The following DAB1 variants were observed in gnomAD, a reference collection of about 807,000 sequenced individuals.
DAB1 encodes the protein DAB adaptor protein 1, also known as disabled homolog 1.
Under a neutral mutation model 64.6 loss-of-function variants are expected in DAB1, and 15 were observed. That is an observed-to-expected ratio of 0.23 (90% CI 0.16 to 0.36). The LOEUF (loss-of-function observed/expected upper bound fraction) is 0.36, where lower values mean the gene tolerates loss of function less well. Among genes scored for constraint, DAB1 ranks in the 10% least tolerant of loss-of-function variants. The pLI is 1.00. For missense variants in DAB1, 596 were observed against 706.7 expected (o/e 0.84, Z 1.78); for synonymous variants, 235 against 251.9 (o/e 0.93, Z 0.64).
chr1:57,888,418 G>T (rs922797968), upstream of DAB1, among the ~76,000 whole-genome samples: 1 of 152,002 alleles, frequency 6.6e-6, no homozygotes, highest in Admixed American at 6.5e-5. Context: ...ATTTCCCAGG[G>T]CACCTTCCAT....
At chr1:57,307,761 T>C (rs1674321982) in intron 1 of DAB1, among the ~76,000 whole-genome samples, 1 of 152,136 alleles carries the variant, frequency 6.6e-6, no homozygotes, top group Admixed American at 6.5e-5. Flanking sequence ...TCCTTTCCTG[T>C]TTGTTGAATT....
intron 1 of DAB1, among the ~76,000 whole-genome samples, chr1:57,414,541 C>T (rs1684350110): frequency 6.6e-6 from 1 of 152,158 alleles, no homozygotes; most frequent in South Asian, 2.1e-4. Context: ...ATTTGTGTGA[C>T]TCACTTGATT....
At chr1:58,470,464 G>A (rs180942342) in intron 3 of DAB1, among the ~76,000 whole-genome samples, 96 of 151,544 alleles carry the variant, frequency 6.3e-4, no homozygotes, top group Non-Finnish European at 1.0e-3. Context: ...ATGAGCCACC[G>A]CACCTAGCCA....
chr1:57,310,787 T>C (rs1194011750), intron 1 of DAB1, among the ~76,000 whole-genome samples: 2 of 152,188 alleles, frequency 1.3e-5, no homozygotes, highest in African/African-American at 4.8e-5. Flanking sequence ...TTCATTTCCA[T>C]GTCACAGATA....
At chr1:57,014,785 A>C in intron 12 of DAB1, 98 bp downstream of exon 12, 1 of 944,022 alleles carries the variant, frequency 1.1e-6, no homozygotes, top group Non-Finnish European at 1.6e-6. Flanking sequence ...AAGCCTGATT[A>C]ATGCAAGTGA....
chr1:58,291,277 GA>G (rs148480012), intron 4 of DAB1, among the ~76,000 whole-genome samples: 306 of 152,286 alleles, frequency 2.0e-3, no homozygotes, highest in African/African-American at 7.0e-3. Context: ...GAGACAGGGG[GA>G]GGCAATAAAA....
intron 7 of DAB1, among the ~76,000 whole-genome samples, chr1:57,511,783 A>G (rs943428850): frequency 9.2e-5 from 14 of 152,078 alleles, no homozygotes; most frequent in Admixed American, 7.9e-4. Context: ...TTTCTTTTCC[A>G]TATATTTATA....
intron 7 of DAB1, among the ~76,000 whole-genome samples, chr1:57,564,060 C>T (rs1303344843): frequency 3.3e-5 from 5 of 152,184 alleles, no homozygotes; most frequent in Non-Finnish European, 5.9e-5. Context: ...CTGACACCCA[C>T]ATGGCTGGGT....
chr1:57,690,972 C>A (rs35945271), intron 6 of DAB1, among the ~76,000 whole-genome samples: 1 of 152,070 alleles, frequency 6.6e-6, no homozygotes, highest in Non-Finnish European at 1.5e-5. Context: ...AAGTCTTTTG[C>A]CCATTTTAAA....
chr1:58,479,833 C>T (rs556214604), intron 3 of DAB1, among the ~76,000 whole-genome samples: 1 of 152,000 alleles, frequency 6.6e-6, no homozygotes, highest in Admixed American at 6.6e-5. Flanking sequence ...TGTAACTTCT[C>T]GAAGCCTATT....
intron 1 of DAB1, among the ~76,000 whole-genome samples, chr1:57,291,760 A>G (rs143030275): frequency 3.3e-5 from 5 of 152,206 alleles, no homozygotes; most frequent in Non-Finnish European, 2.9e-5. Context: ...TGTGCAGAGA[A>G]AAAGAAAAGA....
At chr1:57,799,195 G>C (rs957320196) in intron 6 of DAB1, among the ~76,000 whole-genome samples, 15 of 152,138 alleles carry the variant, frequency 9.9e-5, no homozygotes, top group Non-Finnish European at 1.5e-4. Context: ...AAAGCCTTTG[G>C]GATAATGGAG....
At chr1:57,005,670 A>T (rs1388784323) in intron 14 of DAB1, among the ~76,000 whole-genome samples, 1 of 152,174 alleles carries the variant, frequency 6.6e-6, no homozygotes, top group Non-Finnish European at 1.5e-5. Flanking sequence ...AGCTAAATTG[A>T]TGTGATGCTA....
chr1:58,181,175 A>C (rs562092730), intron 4 of DAB1, among the ~76,000 whole-genome samples: 2 of 152,078 alleles, frequency 1.3e-5, no homozygotes, highest in Non-Finnish European at 2.9e-5. Context: ...TATATATTTT[A>C]ATTGTTCCAT....
chr1:57,768,401 C>T (rs1027417189), intron 6 of DAB1, among the ~76,000 whole-genome samples: 1 of 151,604 alleles, frequency 6.6e-6, no homozygotes, highest in Non-Finnish European at 1.5e-5. Context: ...ACCTGGTATA[C>T]GGTAAGTACT....
chr1:57,372,183 G>A (rs964671813), intron 1 of DAB1, among the ~76,000 whole-genome samples: 70 of 152,136 alleles, frequency 4.6e-4, no homozygotes, highest in African/African-American at 1.6e-3. Context: ...CCTTACCCAA[G>A]AGCAAACTCA....
intron 4 of DAB1, among the ~76,000 whole-genome samples, chr1:58,187,474 T>C (rs1657141920): frequency 6.6e-6 from 1 of 150,800 alleles, no homozygotes; most frequent in African/African-American, 2.4e-5. Flanking sequence ...AGACCCTGTC[T>C]GAAAAAAAAA....
intron 11 of DAB1, among the ~76,000 whole-genome samples, chr1:57,016,908 AT>A (rs1646452371): frequency 6.6e-6 from 1 of 152,060 alleles, no homozygotes; most frequent in South Asian, 2.1e-4. Context: ...TATTTTAGGG[AT>A]GAAGAAATTG....
intron 4 of DAB1, among the ~76,000 whole-genome samples, chr1:58,178,583 T>C (rs1656613778): frequency 6.6e-6 from 1 of 152,198 alleles, no homozygotes; most frequent in African/African-American, 2.4e-5. Context: ...GTAAGCACGG[T>C]AAATGGTAGC....
Sources: allele counts gnomAD v4.1 joint callset (sites outside exome capture counted in the v4.1 genomes callset), GRCh38; gene constraint gnomAD v4.1.1; transcripts MANE v1.5; gene names NCBI Gene and HGNC (gene_info 2026-07-23, HGNC 2026-07-21).